Variants in SAMD4B observed in about 807,000 individuals in gnomAD.
SAMD4B encodes the protein sterile alpha motif domain containing 4B.
SAMD4B carries 5 observed loss-of-function variants against 74.5 expected under a neutral mutation model. The observed-to-expected ratio is 0.07, with a 90% confidence interval of 0.04 to 0.14. The LOEUF (loss-of-function observed/expected upper bound fraction) is 0.14. SAMD4B is among the 10% of genes least tolerant of loss of function. The pLI is 1.00. For missense variants in SAMD4B, 608 were observed against 921.8 expected (o/e 0.66, Z 4.41); for synonymous variants, 373 against 374.9 (o/e 1.00, Z 0.06).
At chr19:39,388,317 C>G (rs77739020), downstream of SAMD4B, 5,563 of 1,613,542 alleles carry the variant, frequency 3.4e-3, 139 homozygotes, top group African/African-American at 0.057. Context: ...CCAGGCTAAT[C>G]AGATAGGAGT....
At chr19:39,372,677 G>A (rs2077376532) in intron 4 of SAMD4B, among the ~76,000 whole-genome samples, 1 of 152,146 alleles carries the variant, frequency 6.6e-6, no homozygotes, top group Admixed American at 6.5e-5. Context: ...CCAGTGCGGA[G>A]CCAAGCAGGG....
downstream of SAMD4B, chr19:39,386,492 A>G: frequency 6.2e-7 from 1 of 1,614,058 alleles, no homozygotes; most frequent in South Asian, 1.1e-5. This position sits in a 1 kb window ranked among gnomAD's most constrained non-coding sequence, Gnocchi z 6.1. Context: ...CTGAGCCCCC[A>G]GCTTCTTTCT....
chr19:39,348,638 T>C (rs1008403237), intron 1 of SAMD4B, among the ~76,000 whole-genome samples: 3 of 152,192 alleles, frequency 2.0e-5, no homozygotes, highest in Non-Finnish European at 2.9e-5. Context: ...TGGGAAACTA[T>C]TAGAAGGGAG....
At chr19:39,360,618 A>G (rs1034581231) in intron 3 of SAMD4B, among the ~76,000 whole-genome samples, 9 of 152,158 alleles carry the variant, frequency 5.9e-5, no homozygotes, top group Non-Finnish European at 8.8e-5. Flanking sequence ...ACTAAGAAGC[A>G]GGTGCCTCCT....
intron 1 of SAMD4B, among the ~76,000 whole-genome samples, chr19:39,346,927 A>T (rs56388054): frequency 0.027 from 4,091 of 152,288 alleles, 87 homozygotes; most frequent in African/African-American, 0.058. Flanking sequence ...AAGTTAATAC[A>T]TGTAAAGTAC....
chr19:39,370,131 T>A lies in SAMD4B; in HGVS notation c.667+6T>A, dbSNP rs1469774039. Reference sequence around the variant, plus strand: ...TGGGAGCAATGCAAACACAGGTAAGTGGCGGGGGTGTCCCAGAAGGCCATG... The same window carrying A: ...TGGGAGCAATGCAAACACAGGTAAGAGGCGGGGGTGTCCCAGAAGGCCATG... On this transcript the variant is annotated splice_donor_region_variant and intron_variant, in intron 4 of 13. Transcript: ENST00000610417. 3 of 1,570,270 alleles carry A rather than the reference T, an allele frequency of 1.9e-6. No individual in the cohort carries two copies. Among genetic ancestry groups the A allele is most frequent in the Non-Finnish European group, 2.6e-6 (3 of 1,157,806 alleles).
downstream of SAMD4B, chr19:39,389,895 TC>T: frequency 1.6e-6 from 2 of 1,286,292 alleles, no homozygotes; most frequent in Non-Finnish European, 2.2e-6. This position sits in a 1 kb window ranked among gnomAD's most constrained non-coding sequence, Gnocchi z 5.3. Context: ...GAAAGCTGGC[TC>T]CCCAGTGGGA....
intron 4 of SAMD4B, among the ~76,000 whole-genome samples, chr19:39,370,976 C>G (rs1346070075): frequency 1.3e-5 from 2 of 152,242 alleles, no homozygotes; most frequent in Non-Finnish European, 2.9e-5. Context: ...GACCACTACA[C>G]TGTCCTGCCA....
intron 2 of SAMD4B, among the ~76,000 whole-genome samples, chr19:39,354,541 G>A (rs900590226): frequency 1.5e-4 from 23 of 152,124 alleles, no homozygotes; most frequent in South Asian, 2.1e-4. Flanking sequence ...CACCTTCTAC[G>A]TGCCAGGCAC....
chr19:39,380,023 C>A lies in SAMD4B; in HGVS notation c.1588C>A (p.Leu530Ile). The change falls in exon 10 of 14, where the codon CTC (leucine) becomes ATC (isoleucine). Residue 530 changes from leucine to isoleucine, a missense_variant. By Grantham distance (5) the Leu-to-Ile change is conservative (BLOSUM62 2). This residue lies in a region of SAMD4B where 167 missense variants were observed against 193.0 expected (regional missense o/e 0.87). Coordinates refer to ENST00000610417, the MANE Select transcript of SAMD4B (RefSeq NM_001384574.2). ...LLSWKQQVLK[L>I]LRTFPRKAAL... ...ATCCTGGAAACAGCAAGTGCTGAAG[C>A]TCCTCCGGACATTCCCGCGCAAAGC... 6.2e-7 allele frequency: 1 copy of A among 1,613,942 alleles called. No homozygotes were observed. Among genetic ancestry groups the A allele is most frequent in the Non-Finnish European group, 8.5e-7 (1 of 1,179,922 alleles).
At chr19:39,360,849 A>G (rs1322267455) in intron 3 of SAMD4B, among the ~76,000 whole-genome samples, 2 of 152,198 alleles carry the variant, frequency 1.3e-5, no homozygotes, top group African/African-American at 4.8e-5. Flanking sequence ...TGCCCCCCAT[A>G]GACCTACTAA....
At position 39,380,607 on chromosome 19, in the gene SAMD4B, C is replaced by G; in HGVS notation, c.1670C>G (p.Ser557Trp). ...CATAGCTGGGCATTCGGCTCCAACTCGCTCCCCATAGCTGGCTCTGTGGGG... is the reference window on the plus strand; with the variant it reads ...CATAGCTGGGCATTCGGCTCCAACTGGCTCCCCATAGCTGGCTCTGTGGGG... ...QQKGWAFGSN[S>W]LPIAGSVGMG... is the part of the protein sequence containing the mutation. The change falls in exon 11 of 14, where the codon TCG becomes TGG. Residue 557 changes from serine (S) to tryptophan (W), a missense_variant. By Grantham distance (177) the Ser-to-Trp change is radical (BLOSUM62 -3). Transcript: ENST00000610417. 1 of 1,614,204 alleles carries G rather than the reference C, an allele frequency of 6.2e-7. No individual in the cohort carries two copies. Among genetic ancestry groups the G allele is most frequent in the Non-Finnish European group, 8.5e-7 (1 of 1,180,034 alleles).
At chr19:39,355,402 G>A (rs977531670) in intron 2 of SAMD4B, among the ~76,000 whole-genome samples, 2 of 152,210 alleles carry the variant, frequency 1.3e-5, no homozygotes, top group African/African-American at 2.4e-5. Context: ...AGTCACAGCT[G>A]TTGCCTAATG....
At chr19:39,374,734 G>A (rs1228217745) in intron 4 of SAMD4B, among the ~76,000 whole-genome samples, 3 of 152,088 alleles carry the variant, frequency 2.0e-5, no homozygotes, top group African/African-American at 4.8e-5. Flanking sequence ...CCAGCTACTC[G>A]GGAGGCTGAG....
At chr19:39,386,350 G>GCTCATCTTCACTGCCCTCCTT, downstream of SAMD4B, 1 of 1,614,142 alleles carries the variant, frequency 6.2e-7, no homozygotes, top group Non-Finnish European at 8.5e-7. This position sits in a 1 kb window ranked among gnomAD's most constrained non-coding sequence, Gnocchi z 6.1. Context: ...CTGCCCGAGT[G>GCTCATCTTCACTGCCCTCCTT]CTCATCTTCA....
chr19:39,351,533 A>G (rs780697558), intron 1 of SAMD4B: 1 of 152,224 alleles, frequency 6.6e-6, no homozygotes, highest in African/African-American at 2.4e-5. Context: ...TTTCAGTTTT[A>G]ACTGAAACCC....
Position 39,378,656 on chromosome 19 carries a change from C to A in SAMD4B, c.1530+67C>A. 1.4e-6 allele frequency: 2 copies of A among 1,400,306 alleles called. No homozygotes were observed. The highest frequency in any genetic ancestry group is 2.3e-5 in the South Asian group (2 of 85,636). The allele number at this position is 1,400,306 out of a possible 1,614,324, so 86.7% of individuals were successfully genotyped here. A position where few individuals can be genotyped will look rare whatever the true frequency, so the allele number is the denominator to read the frequency against. On this transcript the variant is annotated intron_variant, in intron 9 of 13. Transcript: ENST00000610417. The surrounding 1 kb of genome is among the most constrained non-coding windows in gnomAD (Gnocchi z 4.4). ...AGGCGTGGTGGTTCACGCCTGTAGTCCCAGCACTTCGGCCACCGAGGCGGG... is the reference window on the plus strand; with the variant it reads ...AGGCGTGGTGGTTCACGCCTGTAGTACCAGCACTTCGGCCACCGAGGCGGG...
At chr19:39,370,210 A>C in intron 4 of SAMD4B, 85 bp downstream of exon 4, 1 of 1,318,360 alleles carries the variant, frequency 7.6e-7, no homozygotes. Flanking sequence ...GCTCTGTGGC[A>C]TTAGACAAGT....
rs765603243 is a variant in SAMD4B at position 39,380,578 on chromosome 19, C to G, written c.1650-9C>G. ...GTAAATTAACACCCTGCCTTCTGCT[C>G]TCTCATAGCTGGGCATTCGGCTCCA... On this transcript the variant is annotated splice_polypyrimidine_tract_variant and intron_variant, in intron 10 of 13. Transcript: ENST00000610417. The G allele has an allele frequency of 2.5e-6, 4 of 1,614,140 alleles. No individual in the cohort carries two copies. Among genetic ancestry groups the G allele is most frequent in the Admixed American group, 1.7e-5 (1 of 60,034 alleles).
Sources: allele counts gnomAD v4.1 joint callset (sites outside exome capture counted in the v4.1 genomes callset), GRCh38; gene constraint gnomAD v4.1.1; regional missense constraint gnomAD v4.1.1; non-coding constraint Gnocchi (gnomAD v3.1); transcripts MANE v1.5; gene names NCBI Gene and HGNC (gene_info 2026-07-23, HGNC 2026-07-21).